Variants in OPCML observed in about 807,000 individuals in gnomAD.
OPCML encodes opioid-binding protein/cell adhesion molecule.
In OPCML, 13 loss-of-function variants were observed where a neutral mutation model predicts 37.8. The ratio of observed to expected loss-of-function variants is 0.34; its 90% CI spans 0.22 to 0.55. OPCML has a LOEUF of 0.55. Among genes scored for constraint, OPCML ranks in the 20% least tolerant of loss-of-function variants. OPCML has a pLI of 0.91. For missense variants in OPCML, 341 were observed against 435.6 expected (o/e 0.78, Z 1.93); for synonymous variants, 176 against 168.8 (o/e 1.04, Z -0.33).
At chr11:133,230,822 C>T (rs1432066107) in intron 1 of OPCML, among the ~76,000 whole-genome samples, 1 of 152,192 alleles carries the variant, frequency 6.6e-6, no homozygotes, top group Non-Finnish European at 1.5e-5. Context: ...CAGGACTCTG[C>T]TCCAGGGCTC....
chr11:133,240,212 CAAAAAAAAAAAA>C (rs35643678), intron 1 of OPCML, among the ~76,000 whole-genome samples: 4 of 66,046 alleles, frequency 6.1e-5, no homozygotes, highest in African/African-American at 1.2e-4. Context: ...ACACTTGGGG[CAAAAAAAAAAAA>C]AAAAAAAAAA....
chr11:133,171,020 C>G (rs1196946283), intron 1 of OPCML, among the ~76,000 whole-genome samples: 9 of 152,244 alleles, frequency 5.9e-5, no homozygotes, highest in African/African-American at 2.2e-4. Flanking sequence ...AGGAATGAGG[C>G]TCAGCCTGTT....
chr11:132,476,356 C>T (rs1016375389), intron 4 of OPCML, among the ~76,000 whole-genome samples: 3 of 151,858 alleles, frequency 2.0e-5, no homozygotes, highest in Admixed American at 6.6e-5. Context: ...ACCCAAAGGA[C>T]TATAAATCAT....
At chr11:133,353,561 G>A (rs1024521339) in intron 1 of OPCML, among the ~76,000 whole-genome samples, 5 of 152,184 alleles carry the variant, frequency 3.3e-5, no homozygotes, top group African/African-American at 1.2e-4. Context: ...GGGGGCCACA[G>A]AAACAGATGA....
At chr11:132,901,455 ATAGCCCAGCG>A (rs1311946018) in intron 2 of OPCML, among the ~76,000 whole-genome samples, 5 of 152,220 alleles carry the variant, frequency 3.3e-5, no homozygotes, top group Admixed American at 2.0e-4. Flanking sequence ...GATCAGATGA[ATAGCCCAGCG>A]TTGCACTTGT....
At chr11:133,115,824 T>G (rs1176661246) in intron 1 of OPCML, among the ~76,000 whole-genome samples, 1 of 151,698 alleles carries the variant, frequency 6.6e-6, no homozygotes, top group Non-Finnish European at 1.5e-5. Flanking sequence ...TCTGCATAAC[T>G]TTATCATTTG....
chr11:132,924,653 C>T (rs1944927840), intron 2 of OPCML, among the ~76,000 whole-genome samples: 1 of 152,032 alleles, frequency 6.6e-6, no homozygotes, highest in Non-Finnish European at 1.5e-5. Flanking sequence ...GGTGTTTTTC[C>T]CCGCTAGTAT....
chr11:133,043,259 A>C (rs771715084), intron 1 of OPCML, among the ~76,000 whole-genome samples: 1 of 152,172 alleles, frequency 6.6e-6, no homozygotes, highest in Non-Finnish European at 1.5e-5. Flanking sequence ...CTGTTCAAAA[A>C]AATCCTATTT....
At chr11:133,123,001 CA>C (rs1191952459) in intron 1 of OPCML, among the ~76,000 whole-genome samples, 9 of 152,216 alleles carry the variant, frequency 5.9e-5, no homozygotes, top group African/African-American at 2.2e-4. Context: ...AAAATTCTCT[CA>C]GAGCCTTCTG....
chr11:132,667,069 G>C (rs949485901), intron 2 of OPCML, among the ~76,000 whole-genome samples: 1 of 152,214 alleles, frequency 6.6e-6, no homozygotes, highest in African/African-American at 2.4e-5. Context: ...TCAGGCATGA[G>C]ATGTTGATGA....
chr11:132,444,650 A>G (rs936677145), intron 4 of OPCML, among the ~76,000 whole-genome samples: 1 of 152,126 alleles, frequency 6.6e-6, no homozygotes, highest in African/African-American at 2.4e-5. Context: ...TAATCCCTGC[A>G]GAACTCCCCC....
chr11:133,158,459 T>C (rs1950095368), intron 1 of OPCML, among the ~76,000 whole-genome samples: 1 of 152,008 alleles, frequency 6.6e-6, no homozygotes, highest in South Asian at 2.1e-4. Context: ...ACCAGCACTT[T>C]GGGAGGCTGA....
intron 1 of OPCML, among the ~76,000 whole-genome samples, chr11:133,180,838 C>CAAAAAAA (rs34333844): frequency 8.5e-5 from 8 of 93,596 alleles, no homozygotes; most frequent in African/African-American, 1.5e-4. Flanking sequence ...CTCAGCAAAG[C>CAAAAAAA]AAAAAAAAAA....
At chr11:133,108,180 G>T (rs1592008139) in intron 1 of OPCML, among the ~76,000 whole-genome samples, 1 of 152,294 alleles carries the variant, frequency 6.6e-6, no homozygotes, top group Admixed American at 6.5e-5. Context: ...TAGAAACAAG[G>T]CTGGCTTACG....
At chr11:132,890,318 G>C (rs2136458143) in intron 2 of OPCML, among the ~76,000 whole-genome samples, 1 of 152,288 alleles carries the variant, frequency 6.6e-6, no homozygotes, top group Non-Finnish European at 1.5e-5. Flanking sequence ...TTCTGGGGGA[G>C]TCAAGTTACA....
chr11:133,218,685 T>C (rs573681), intron 1 of OPCML, among the ~76,000 whole-genome samples: 48,302 of 151,946 alleles, frequency 0.32, 8,277 homozygotes, highest in African/African-American at 0.41. Flanking sequence ...CTGCCTACCC[T>C]ACTCCAGGGA....
chr11:133,454,768 G>T (rs985006520), intron 1 of OPCML, among the ~76,000 whole-genome samples: 2 of 152,148 alleles, frequency 1.3e-5, no homozygotes, highest in Non-Finnish European at 2.9e-5. Flanking sequence ...TAAGAATAAG[G>T]TCAAACATTC....
At chr11:133,140,645 A>G (rs1053221097) in intron 1 of OPCML, among the ~76,000 whole-genome samples, 1 of 139,734 alleles carries the variant, frequency 7.2e-6, no homozygotes, top group African/African-American at 2.8e-5. Flanking sequence ...AAGAGGAGGA[A>G]GAGGAAGAGG....
chr11:132,748,488 T>A (rs1187375376), intron 2 of OPCML, among the ~76,000 whole-genome samples: 1 of 152,150 alleles, frequency 6.6e-6, no homozygotes, highest in Non-Finnish European at 1.5e-5. Context: ...ACCACGTTGA[T>A]GTTGTTCTCA....
Sources: gnomAD v4.1 joint callset for allele counts (sites outside exome capture counted in the v4.1 genomes callset) on GRCh38, gnomAD v4.1.1 for gene constraint, MANE v1.5 for transcripts, NCBI Gene and HGNC (gene_info 2026-07-23, HGNC 2026-07-21) for gene names.